AGBL4: variants seen among roughly 807,000 people sequenced by gnomAD.
The protein encoded by AGBL4 is AGBL carboxypeptidase 4, also known as cytosolic carboxypeptidase 6.
In AGBL4, 58 loss-of-function variants were observed where a neutral mutation model predicts 66.4. The observed-to-expected ratio is 0.87, with a 90% CI of 0.71 to 1.09. The LOEUF is 1.09. Among genes scored for constraint, AGBL4 ranks in the 50% least tolerant of loss-of-function variants. The probability of loss-of-function intolerance (pLI) is 0.00; values close to 1 mark genes in which losing one functional copy is unlikely to be tolerated. For synonymous variants in AGBL4, 234 were observed against 222.9 expected, an observed-to-expected ratio of 1.05 and a Z score of -0.44; for missense variants, 579 against 631.0, an observed-to-expected ratio of 0.92 and a Z score of 0.88.
intron 5 of AGBL4, among the ~76,000 whole-genome samples, chr1:48,996,368 C>A (rs956257109): frequency 6.6e-6 from 1 of 151,990 alleles, no homozygotes. Context: ...TGGGGAAGAG[C>A]AAAGAAAAGA....
intron 6 of AGBL4, among the ~76,000 whole-genome samples, chr1:48,756,083 C>T (rs946152553): frequency 6.6e-5 from 10 of 152,186 alleles, no homozygotes; most frequent in African/African-American, 2.2e-4. Flanking sequence ...CAAGCATTAA[C>T]AGAATGTCAG....
intron 5 of AGBL4, among the ~76,000 whole-genome samples, chr1:48,989,966 C>T (rs1329946330): frequency 6.6e-6 from 1 of 152,138 alleles, no homozygotes; most frequent in East Asian, 1.9e-4. Context: ...AACTGTTCTC[C>T]ATAGTGGTTG....
chr1:49,844,901 T>C, intron 2 of AGBL4: 1 of 1,388,812 alleles, frequency 7.2e-7, no homozygotes, highest in Non-Finnish European at 1.0e-6. Context: ...AAGATGCCTG[T>C]TCAGGAGCAG....
chr1:48,729,549 T>C (rs1219135697), intron 6 of AGBL4, among the ~76,000 whole-genome samples: 1 of 151,988 alleles, frequency 6.6e-6, no homozygotes, highest in Non-Finnish European at 1.5e-5. Context: ...ATATCAACAC[T>C]AGAGGGGATT....
intron 3 of AGBL4, among the ~76,000 whole-genome samples, chr1:49,412,892 T>C (rs1645346074): frequency 6.6e-6 from 1 of 152,068 alleles, no homozygotes; most frequent in African/African-American, 2.4e-5. Context: ...GAAACCATGA[T>C]GGAATATTAC....
At chr1:49,465,261 AC>A (rs1646605120) in intron 3 of AGBL4, among the ~76,000 whole-genome samples, 1 of 144,686 alleles carries the variant, frequency 6.9e-6, no homozygotes, top group African/African-American at 2.6e-5. Context: ...ACACACACAC[AC>A]GCAGACATGT....
chr1:49,720,791 T>C (rs1473636725), intron 2 of AGBL4, among the ~76,000 whole-genome samples: 1 of 152,150 alleles, frequency 6.6e-6, no homozygotes, highest in African/African-American at 2.4e-5. Context: ...TCAAGATATG[T>C]AAAAAGTGTT....
At chr1:49,207,454 C>T (rs201686507) in intron 4 of AGBL4, among the ~76,000 whole-genome samples, 2 of 14,480 alleles carry the variant, frequency 1.4e-4, no homozygotes, top group African/African-American at 4.5e-4. Flanking sequence ...TTCTTTCTTT[C>T]TTTTTCTTTC....
intron 3 of AGBL4, among the ~76,000 whole-genome samples, chr1:49,283,146 G>A (rs1481783460): frequency 6.6e-6 from 1 of 152,194 alleles, no homozygotes; most frequent in African/African-American, 2.4e-5. Flanking sequence ...AGAGAGCAGT[G>A]GTTCTCCCAG....
intron 2 of AGBL4, among the ~76,000 whole-genome samples, chr1:49,849,385 T>C (rs1646242606): frequency 7.5e-6 from 1 of 134,196 alleles, no homozygotes; most frequent in Non-Finnish European, 1.6e-5. Context: ...ATGTCCTCAT[T>C]CATCTAATTT....
chr1:49,123,991 TGATAGAA>T (rs1361322473), intron 4 of AGBL4, among the ~76,000 whole-genome samples: 1 of 152,198 alleles, frequency 6.6e-6, no homozygotes, highest in Non-Finnish European at 1.5e-5. Context: ...GAAGATGTAC[TGATAGAA>T]GATAGAAGAT....
At chr1:49,341,683 ATCATAGGACGTGAGAAACTT>A in intron 3 of AGBL4, among the ~76,000 whole-genome samples, 2 of 152,168 alleles carry the variant, frequency 1.3e-5, no homozygotes, top group Non-Finnish European at 2.9e-5. Context: ...CGTGTGCAGG[ATCATAGGACGTGAGAAACTT>A]TTTCTCTCCC....
chr1:49,524,991 G>A lies in AGBL4; in HGVS notation c.282+172322C>T, dbSNP rs989331854. 1.1e-4 allele frequency among the ~76,000 whole-genome samples: 17 copies of A among 152,042 alleles called. No individual in the cohort carries two copies. The East Asian group carries it at 3.3e-3, about 29-fold the overall frequency. On this transcript the variant is annotated intron_variant, in intron 3 of 13. Coordinates refer to ENST00000371839, the MANE Select transcript of AGBL4 (RefSeq NM_032785.4). The stretch of plus-strand genomic sequence containing the variant: ...ATTTGACCCTTGCTCAATAATTTAC[G>A]ACTGCATTATCTTGGGTAACTTATT...
intron 3 of AGBL4, among the ~76,000 whole-genome samples, chr1:49,543,905 C>CA (rs1380666596): frequency 6.6e-6 from 1 of 152,100 alleles, no homozygotes; most frequent in African/African-American, 2.4e-5. Flanking sequence ...CTGGAAAAAA[C>CA]AAAAAACTGT....
intron 11 of AGBL4, among the ~76,000 whole-genome samples, chr1:48,574,108 A>G (rs1023079949): frequency 6.6e-6 from 1 of 152,220 alleles, no homozygotes; most frequent in Non-Finnish European, 1.5e-5. Flanking sequence ...TCTCAATCAT[A>G]TGGCTGATTT....
rs138437514 is a variant in AGBL4 at position 49,271,222 on chromosome 1, G to A, written c.283-25358C>T. Among the ~76,000 whole-genome samples the A allele has an allele frequency of 7.2e-5, 11 of 152,180 alleles. 1 individual carries two copies. The highest frequency in any genetic ancestry group is 2.6e-4 in the African/African-American group (11 of 41,512). On this transcript the variant is annotated intron_variant, in intron 3 of 13. Coordinates refer to ENST00000371839, the MANE Select transcript of AGBL4 (RefSeq NM_032785.4). ...TATTCTTCCATCTATGGGGACATAT[G>A]GGACTTTTGGGACTTTGTGAATAGA...
chr1:49,592,557 G>C (rs1243399632), intron 3 of AGBL4, among the ~76,000 whole-genome samples: 1 of 152,052 alleles, frequency 6.6e-6, no homozygotes, highest in Non-Finnish European at 1.5e-5. Flanking sequence ...TACACAGTGA[G>C]GCTCTGTCTC....
intron 3 of AGBL4, among the ~76,000 whole-genome samples, chr1:49,362,581 C>T (rs567049970): frequency 3.9e-5 from 6 of 152,024 alleles, no homozygotes; most frequent in African/African-American, 9.6e-5. Flanking sequence ...CTTTTCTTTG[C>T]GCAAACACCC....
chr1:48,966,092 A>C (rs3127549), intron 5 of AGBL4, among the ~76,000 whole-genome samples: 1 of 151,888 alleles, frequency 6.6e-6, no homozygotes, highest in Non-Finnish European at 1.5e-5. Flanking sequence ...TTTTTCTTAC[A>C]GAATTGTTAA....
Sources: allele counts gnomAD v4.1 joint callset (sites outside exome capture counted in the v4.1 genomes callset), GRCh38; gene constraint gnomAD v4.1.1; transcripts MANE v1.5; gene names NCBI Gene and HGNC (gene_info 2026-07-23, HGNC 2026-07-21).